The following EYA2 variants were observed in gnomAD, a reference collection of about 807,000 sequenced individuals.
EYA2 encodes the protein protein phosphatase EYA2.
Under a neutral mutation model 69.2 loss-of-function variants are expected in EYA2, and 31 were observed. The observed-to-expected ratio is 0.45, with a 90% confidence interval of 0.34 to 0.60. The LOEUF (loss-of-function observed/expected upper bound fraction) is 0.60, where lower values mean the gene tolerates loss of function less well. Among genes scored for constraint, EYA2 ranks in the 20% least tolerant of loss-of-function variants. EYA2 has a pLI of 0.02. For missense variants in EYA2, 622 were observed against 701.2 expected (o/e 0.89, Z 1.28); for synonymous variants, 257 against 279.4 (o/e 0.92, Z 0.80).
At chr20:47,063,130 TCA>T (rs1491371233) in intron 5 of EYA2, among the ~76,000 whole-genome samples, 2 of 152,186 alleles carry the variant, frequency 1.3e-5, no homozygotes, top group African/African-American at 2.4e-5. Flanking sequence ...TTTAGTGCGT[TCA>T]CAGTGTTATG....
At chr20:47,016,031 CTT>C in intron 4 of EYA2, 148 bp from the exon 5 acceptor site, 2 of 681,222 alleles carry the variant, frequency 2.9e-6, no homozygotes, top group Admixed American at 4.3e-5. Context: ...TATAGGCTCA[CTT>C]TGGCTGACAA....
intron 1 of EYA2, among the ~76,000 whole-genome samples, chr20:46,961,967 C>T (rs1381535270): frequency 6.6e-6 from 1 of 152,196 alleles, no homozygotes; most frequent in Non-Finnish European, 1.5e-5. Flanking sequence ...AGGATGACTA[C>T]AACTAACAAC....
intron 7 of EYA2, among the ~76,000 whole-genome samples, chr20:47,083,538 ACCAC>A (rs2031792005): frequency 1.4e-5 from 2 of 146,434 alleles, no homozygotes; most frequent in Admixed American, 1.4e-4. Context: ...AGATCATGCC[ACCAC>A]ACTGCAGCCT....
At chr20:46,899,392 G>A (rs1334433386) in intron 1 of EYA2, among the ~76,000 whole-genome samples, 1 of 152,206 alleles carries the variant, frequency 6.6e-6, no homozygotes, top group Non-Finnish European at 1.5e-5. Context: ...ACAAACCTCT[G>A]TGAGCCATGA....
Position 47,024,051 on chromosome 20 carries a change from A to G in EYA2, c.415+7754A>G, listed in dbSNP as rs146810592. ...CGTTTTAATGTCCGTGTCTAATTCT[A>G]TCATTCCTGTCATTTCTGGGTTCAT... On this transcript the variant is annotated intron_variant, in intron 5 of 15. Coordinates refer to ENST00000327619, the MANE Select transcript of EYA2 (RefSeq NM_005244.5). Among the ~76,000 whole-genome samples, 579 of 152,312 alleles carry G rather than the reference A, an allele frequency of 3.8e-3. 4 individuals are homozygous for G. The highest frequency in any genetic ancestry group is 0.013 in the African/African-American group (555 of 41,568).
At chr20:46,974,838 G>A (rs1398453657) in intron 1 of EYA2, among the ~76,000 whole-genome samples, 1 of 152,008 alleles carries the variant, frequency 6.6e-6, no homozygotes, top group African/African-American at 2.4e-5. Context: ...CAGGAATCAA[G>A]CAGAACATGT....
At chr20:47,080,228 C>T (rs370464603) in intron 7 of EYA2, among the ~76,000 whole-genome samples, 1 of 151,860 alleles carries the variant, frequency 6.6e-6, no homozygotes, top group African/African-American at 2.4e-5. Context: ...CAATAATATA[C>T]ATTTCAGTGA....
At chr20:47,056,674 A>G (rs2030627798) in intron 5 of EYA2, among the ~76,000 whole-genome samples, 1 of 152,146 alleles carries the variant, frequency 6.6e-6, no homozygotes, top group African/African-American at 2.4e-5. Flanking sequence ...CATGAGTTAT[A>G]TCTGAATTCT....
At chr20:47,145,132 T>C (rs1224554917) in intron 10 of EYA2, among the ~76,000 whole-genome samples, 2 of 150,318 alleles carry the variant, frequency 1.3e-5, no homozygotes, top group African/African-American at 2.5e-5. Context: ...ACCAAACAAA[T>C]CCATAAACAA....
chr20:46,957,130 C>T (rs1424382152), intron 1 of EYA2, among the ~76,000 whole-genome samples: 3 of 152,304 alleles, frequency 2.0e-5, no homozygotes, highest in South Asian at 2.1e-4. Flanking sequence ...GTAGGAAGCA[C>T]TCAATAAATG....
At chr20:47,083,588 A>AAAG (rs1244930995) in intron 7 of EYA2, among the ~76,000 whole-genome samples, 1 of 151,674 alleles carries the variant, frequency 6.6e-6, no homozygotes, top group Admixed American at 6.6e-5. Flanking sequence ...AAAAAAAAAA[A>AAAG]AAAAAATCGT....
intron 5 of EYA2, among the ~76,000 whole-genome samples, chr20:47,026,474 T>A (rs1600650816): frequency 2.8e-5 from 4 of 144,640 alleles, no homozygotes; most frequent in Non-Finnish European, 3.0e-5. Context: ...ACACCAGAAG[T>A]CAAAACAACA....
At chr20:47,029,140 A>T (rs1167820399) in intron 5 of EYA2, among the ~76,000 whole-genome samples, 1 of 152,074 alleles carries the variant, frequency 6.6e-6, no homozygotes, top group African/African-American at 2.4e-5. Flanking sequence ...AAGGCAGGGG[A>T]CTCTGAGCTC....
intron 1 of EYA2, among the ~76,000 whole-genome samples, chr20:46,929,504 A>C (rs187001028): frequency 7.5e-4 from 114 of 152,036 alleles, no homozygotes; most frequent in African/African-American, 2.6e-3. Context: ...ACTTCACACC[A>C]TTTAGAGCCT....
intron 9 of EYA2, among the ~76,000 whole-genome samples, chr20:47,122,289 G>GTTTTTTTTTTT (rs1180670988): frequency 1.8e-5 from 2 of 110,870 alleles, no homozygotes; most frequent in African/African-American, 4.0e-5. Context: ...TATTTTCTTG[G>GTTTTTTTTTTT]TTTTTTTTTT....
intron 1 of EYA2, among the ~76,000 whole-genome samples, chr20:46,942,356 C>A (rs961086566): frequency 6.6e-6 from 1 of 152,016 alleles, no homozygotes; most frequent in Non-Finnish European, 1.5e-5. Flanking sequence ...TACAAGTGTG[C>A]ACCACCACCC....
At chr20:46,929,590 A>G (rs1985576007) in intron 1 of EYA2, among the ~76,000 whole-genome samples, 1 of 152,066 alleles carries the variant, frequency 6.6e-6, no homozygotes, top group Non-Finnish European at 1.5e-5. Context: ...AGCCCGGGTG[A>G]TGATACAGGG....
intron 1 of EYA2, among the ~76,000 whole-genome samples, chr20:46,943,257 G>A (rs893231020): frequency 3.9e-5 from 6 of 151,960 alleles, no homozygotes; most frequent in African/African-American, 7.3e-5. Flanking sequence ...CCCCCACCCC[G>A]CCCCCAGCAC....
chr20:47,098,951 T>C (rs967905786), intron 9 of EYA2, among the ~76,000 whole-genome samples: 1 of 152,292 alleles, frequency 6.6e-6, no homozygotes, highest in South Asian at 2.1e-4. Flanking sequence ...CCACATTCTC[T>C]CCCATCGCTG....
Sources: gnomAD v4.1 joint callset for allele counts (sites outside exome capture counted in the v4.1 genomes callset) on GRCh38, gnomAD v4.1.1 for gene constraint, MANE v1.5 for transcripts, NCBI Gene and HGNC (gene_info 2026-07-23, HGNC 2026-07-21) for gene names.